ZNF208: variants seen among roughly 807,000 people sequenced by gnomAD.
ZNF208 encodes the protein zinc finger protein 208.
ZNF208 carries 10 observed loss-of-function variants against 12.1 expected under a neutral mutation model. The ratio of observed to expected loss-of-function variants is 0.83; its 90% confidence interval spans 0.51 to 1.40. The LOEUF is 1.40. Ranked by LOEUF, ZNF208 falls within the 40% of genes most tolerant of loss-of-function variation. The pLI is 0.00. For missense variants in ZNF208, 1,652 were observed against 1,485.0 expected (o/e 1.11, Z -1.85); for synonymous variants, 497 against 488.4 (o/e 1.02, Z -0.23).
At chr19:21,942,655 CTT>C (rs577644354) in intron 4 of ZNF208, among the ~76,000 whole-genome samples, 1 of 151,942 alleles carries the variant, frequency 6.6e-6, no homozygotes, top group African/African-American at 2.4e-5. Flanking sequence ...TCTTTCTTTT[CTT>C]TCTTTTTTTC....
intron 4 of ZNF208, among the ~76,000 whole-genome samples, chr19:21,942,546 G>A (rs1259596390): frequency 1.3e-5 from 2 of 152,082 alleles, no homozygotes; most frequent in African/African-American, 4.8e-5. Context: ...CTTCAATGTT[G>A]TTTACAGGGA....
chr19:22,004,863 A>G (rs1260334922), intron 1 of ZNF208, among the ~76,000 whole-genome samples: 2 of 152,200 alleles, frequency 1.3e-5, no homozygotes, highest in African/African-American at 4.8e-5. Context: ...CTCCCATGAC[A>G]TAATTTTAGC....
chr19:21,946,508 T>A (rs1969817802), intron 4 of ZNF208, among the ~76,000 whole-genome samples: 1 of 152,230 alleles, frequency 6.6e-6, no homozygotes, highest in Non-Finnish European at 1.5e-5. Context: ...ATTAAACTTT[T>A]GTTCCAAACC....
Position 21,972,816 on chromosome 19 carries a change from T to C in ZNF208, c.2218A>G (p.Lys740Glu), listed in dbSNP as rs753868173. 6.8e-6 allele frequency: 11 copies of C among 1,612,340 alleles called. No individual in the cohort carries two copies. The highest frequency in any genetic ancestry group is 6.7e-5 in the Admixed American group (4 of 59,920). Residue 740 changes from lysine to glutamate, a missense_variant, in exon 4 of 4, where the codon AAG becomes GAG. Lys to Glu is a moderately conservative substitution (Grantham distance 56). Coordinates refer to ENST00000397126, the MANE Select transcript of ZNF208 (RefSeq NM_007153.3). Reference sequence around the variant, plus strand: ...GGTTTCTCTCCAGTATGAATTACCTTATGTTTAGTAAGGACTGAGAATGTA... The same window carrying C: ...GGTTTCTCTCCAGTATGAATTACCTCATGTTTAGTAAGGACTGAGAATGTA... ...FSTFSVLTKH[K>E]VIHTGEKPYK...
chr19:21,940,645 G>GT (rs1693458131), intron 4 of ZNF208: 1 of 152,394 alleles, frequency 6.6e-6, no homozygotes, highest in Non-Finnish European at 1.5e-5. Context: ...GGGATCCTGG[G>GT]TCCCTCTGTC....
intron 1 of ZNF208, among the ~76,000 whole-genome samples, chr19:22,010,335 C>T (rs976588289): frequency 6.6e-6 from 1 of 152,208 alleles, no homozygotes; most frequent in African/African-American, 2.4e-5. Flanking sequence ...TAGCTGGGTG[C>T]TCTACAATTT....
In ZNF208 at chr19:21,966,246, C is replaced by T. The variant is rs1441239630; in HGVS notation, c.*4945G>A. 2.0e-5 allele frequency: 3 copies of T among 151,940 alleles called. No individual in the cohort carries two copies. The highest frequency in any genetic ancestry group is 3.9e-4 in the East Asian group (2 of 5,190). 9.4% of individuals were successfully genotyped at this position (151,940 alleles called of 1,614,324 possible). Reference sequence around the variant, plus strand: ...ATCATACCTAAGCAGATTTTCTATGCTTGTCTCCCATCCTTCCTCCTTCTT... The same window carrying T: ...ATCATACCTAAGCAGATTTTCTATGTTTGTCTCCCATCCTTCCTCCTTCTT... On this transcript the variant is annotated 3_prime_UTR_variant, in exon 4 of 4. Coordinates refer to ENST00000397126, the MANE Select transcript of ZNF208 (RefSeq NM_007153.3).
chr19:21,988,661 A>G, intron 2 of ZNF208, 122 bp downstream of exon 2: 1 of 1,583,698 alleles, frequency 6.3e-7, no homozygotes, highest in Non-Finnish European at 8.6e-7. Context: ...CTTCTTCCAA[A>G]TATACTCTTT....
At chr19:22,004,715 G>A (rs1971016281) in intron 1 of ZNF208, among the ~76,000 whole-genome samples, 1 of 152,102 alleles carries the variant, frequency 6.6e-6, no homozygotes, top group Non-Finnish European at 1.5e-5. Context: ...AGCTAAATAA[G>A]AACACATGAA....
At chr19:21,995,897 G>A (rs1267757322) in intron 1 of ZNF208, among the ~76,000 whole-genome samples, 1 of 152,206 alleles carries the variant, frequency 6.6e-6, no homozygotes, top group Non-Finnish European at 1.5e-5. Flanking sequence ...AATTTAAAAT[G>A]TCTATGTTGA....
chr19:21,999,003 A>ATTATGCTATAATTTTATAGCATAATT lies in ZNF208; in HGVS notation c.4-10120_4-10095dup, dbSNP rs537603243. ...ATTTGGTAAAATATATGACACTAAA[A>ATTATGCTATAATTTTATAGCATAATT]TTATGCTATAATTTTATAGCATAAT... On this transcript the variant is annotated intron_variant, in intron 1 of 3. Transcript: ENST00000397126. 7.2e-3 allele frequency among the ~76,000 whole-genome samples: 1,067 copies of ATTATGCTATAATTTTATAGCATAATT among 149,012 alleles called. 9 individuals are homozygous for ATTATGCTATAATTTTATAGCATAATT. Among genetic ancestry groups the ATTATGCTATAATTTTATAGCATAATT allele is most frequent in the African/African-American group, 0.021 (856 of 39,954 alleles).
intron 1 of ZNF208, among the ~76,000 whole-genome samples, chr19:22,006,605 C>G (rs1971048467): frequency 6.6e-6 from 1 of 152,024 alleles, no homozygotes; most frequent in Non-Finnish European, 1.5e-5. Context: ...TCCATGGCTG[C>G]GGTAAGCAGG....
intron 1 of ZNF208, among the ~76,000 whole-genome samples, chr19:22,004,725 A>G (rs1252737425): frequency 6.6e-6 from 1 of 152,196 alleles, no homozygotes; most frequent in Non-Finnish European, 1.5e-5. Flanking sequence ...GAACACATGA[A>G]CACAGAGGGG....
chr19:21,975,724 T>C (rs1036013241), intron 3 of ZNF208, among the ~76,000 whole-genome samples: 2 of 146,282 alleles, frequency 1.4e-5, no homozygotes, highest in African/African-American at 5.1e-5. Flanking sequence ...CAAAAGTGTA[T>C]AGAAAATCAG....
intron 4 of ZNF208, chr19:21,940,663 C>T (rs961002572): frequency 4.6e-5 from 7 of 152,426 alleles, no homozygotes; most frequent in African/African-American, 1.7e-4. Context: ...GTCCTCCCCG[C>T]GGTGGCAGTG....
At position 21,971,836 on chromosome 19, in the gene ZNF208, G is replaced by T; in HGVS notation, c.3198C>A (p.Phe1066Leu). Residue 1066 changes from phenylalanine (F) to leucine (L), a missense_variant, in exon 4 of 4, where the codon TTC (phenylalanine) becomes TTA (leucine). Physicochemically the swap from Phe to Leu is conservative, Grantham distance 22. Coordinates refer to ENST00000397126, the MANE Select transcript of ZNF208 (RefSeq NM_007153.3). ...GTTCAGTAAGTCTTGAGGGCCAGCT[G>T]AAGGCTTTGCCACATTCTTCACATT... ...PYKCEECGKA[F>L]SWPSRLTEHK... The T allele has an allele frequency of 6.2e-7, 1 of 1,609,166 alleles. No individual in the cohort carries two copies. The highest frequency in any genetic ancestry group is 8.5e-7 in the Non-Finnish European group (1 of 1,178,642).
At position 21,971,588 on chromosome 19, in the gene ZNF208, G is replaced by T. The variant is rs756342766; in HGVS notation, c.3446C>A (p.Ala1149Asp). 7 of 1,610,786 alleles carry T rather than the reference G, an allele frequency of 4.3e-6. No homozygotes were observed. The African/African-American group carries it at 9.4e-5, about 22-fold the overall frequency. ...KPYKCEECGK[A>D]YKWSSTLSYH... ...ACTAAGGGTTGAGGACCACTTATAGGCTTTGCCACATTCTTCACATTTGTA... is the reference window on the plus strand; with the variant it reads ...ACTAAGGGTTGAGGACCACTTATAGTCTTTGCCACATTCTTCACATTTGTA... The change falls in exon 4 of 4, where the codon GCC becomes GAC. Residue 1149 changes from alanine (A) to aspartate (D), a missense_variant. This residue lies in a region of ZNF208 where 1,239 missense variants were observed against 1,086.2 expected (regional missense o/e 1.14). Coordinates refer to ENST00000397126, the MANE Select transcript of ZNF208 (RefSeq NM_007153.3).
At chr19:21,963,774 G>T (rs112444282), downstream of ZNF208, among the ~76,000 whole-genome samples, 1 of 152,020 alleles carries the variant, frequency 6.6e-6, no homozygotes, top group African/African-American at 2.4e-5. Context: ...TAGATTTACA[G>T]TCTGGGGCTA....
chr19:21,968,953 G>T lies in ZNF208; in HGVS notation c.*2238C>A, dbSNP rs1355155292. ...CAATCCCAGGACTTTGGGTGGCCAA[G>T]GTGGGCATATCATGAGGTCAGGAGA... is the stretch of plus-strand genomic sequence containing the variant. On this transcript the variant is annotated 3_prime_UTR_variant, in exon 4 of 4. Coordinates refer to ENST00000397126, the MANE Select transcript of ZNF208 (RefSeq NM_007153.3). 6.6e-6 allele frequency among the ~76,000 whole-genome samples: 1 copy of T among 152,102 alleles called. No homozygotes were observed. The highest frequency in any genetic ancestry group is 1.5e-5 in the Non-Finnish European group (1 of 68,014).
Sources: allele counts gnomAD v4.1 joint callset (sites outside exome capture counted in the v4.1 genomes callset), GRCh38; gene constraint gnomAD v4.1.1; regional missense constraint gnomAD v4.1.1; transcripts MANE v1.5; gene names NCBI Gene and HGNC (gene_info 2026-07-23, HGNC 2026-07-21).